The following CTNNA3 variants were observed in gnomAD, a reference collection of about 807,000 sequenced individuals.
CTNNA3 encodes catenin alpha-3.
In CTNNA3, 76 loss-of-function variants were observed where a neutral mutation model predicts 95.7. The ratio of observed to expected loss-of-function variants is 0.79; its 90% CI spans 0.66 to 0.96. The LOEUF is 0.96. Among genes scored for constraint, CTNNA3 ranks in the 40% least tolerant of loss-of-function variants. The pLI, the probability that CTNNA3 is intolerant of heterozygous loss-of-function variation, is 0.00. For missense variants in CTNNA3, 1,191 were observed against 1,089.8 expected (o/e 1.09, Z -1.31); for synonymous variants, 431 against 374.4 (o/e 1.15, Z -1.74).
At chr10:65,945,257 G>A (rs962162616) in intron 17 of CTNNA3, among the ~76,000 whole-genome samples, 1 of 152,002 alleles carries the variant, frequency 6.6e-6, no homozygotes, top group Non-Finnish European at 1.5e-5. Flanking sequence ...AAAATGGTTG[G>A]AATTTGTTAT....
intron 12 of CTNNA3, among the ~76,000 whole-genome samples, chr10:66,312,665 G>A (rs1027881787): frequency 3.3e-5 from 5 of 151,960 alleles, no homozygotes; most frequent in African/African-American, 1.2e-4. Context: ...CCCTGCCTCA[G>A]CCTCCCGAGT....
chr10:66,483,048 G>C (rs766437030), intron 11 of CTNNA3, among the ~76,000 whole-genome samples: 4 of 152,170 alleles, frequency 2.6e-5, no homozygotes, highest in Non-Finnish European at 5.9e-5. Context: ...AAGCCAATGA[G>C]ACAGCACTGT....
In CTNNA3 at chr10:67,501,725, T is replaced by C. The variant is rs547643498; in HGVS notation, c.579+20117A>G. ...TATTTCATTAAGTTGATCTTCAATC[T>C]CTGATATCTTTTCTTCCGCTTGATC... is the stretch of plus-strand genomic sequence containing the variant. On this transcript the variant is annotated intron_variant, in intron 5 of 17. Coordinates refer to ENST00000433211, the MANE Select transcript of CTNNA3 (RefSeq NM_013266.4). 3.3e-5 allele frequency among the ~76,000 whole-genome samples: 5 copies of C among 152,350 alleles called. 1 individual carries two copies. The South Asian group carries it at 1.0e-3, about 32-fold the overall frequency.
chr10:66,133,671 A>T (rs2083228182), intron 13 of CTNNA3, among the ~76,000 whole-genome samples: 1 of 152,316 alleles, frequency 6.6e-6, no homozygotes, highest in East Asian at 1.9e-4. Flanking sequence ...AAATCAGTCT[A>T]TACTGGTTCT....
chr10:67,672,950 C>T (rs1389413816), intron 1 of CTNNA3, among the ~76,000 whole-genome samples: 4 of 151,844 alleles, frequency 2.6e-5, no homozygotes, highest in African/African-American at 9.7e-5. Flanking sequence ...TTACCTTGGG[C>T]AGTATGGCCA....
chr10:66,799,341 A>G (rs1034907109), intron 7 of CTNNA3, among the ~76,000 whole-genome samples: 20 of 151,674 alleles, frequency 1.3e-4, no homozygotes, highest in African/African-American at 4.8e-4. Context: ...TGTAATTAAT[A>G]TTTCAATAAA....
chr10:66,309,826 A>C (rs974897592), intron 12 of CTNNA3, among the ~76,000 whole-genome samples: 2 of 151,076 alleles, frequency 1.3e-5, no homozygotes, highest in Non-Finnish European at 3.0e-5. Flanking sequence ...TTGGGAGGCC[A>C]AGGTGGGCGG....
At chr10:66,223,285 C>T (rs546885674) in intron 13 of CTNNA3, among the ~76,000 whole-genome samples, 1 of 152,092 alleles carries the variant, frequency 6.6e-6, no homozygotes, top group African/African-American at 2.4e-5. Flanking sequence ...CATTTTTAAA[C>T]TACCTAAGTA....
At chr10:66,999,345 C>T (rs1251141883) in intron 7 of CTNNA3, among the ~76,000 whole-genome samples, 1 of 151,962 alleles carries the variant, frequency 6.6e-6, no homozygotes, top group Non-Finnish European at 1.5e-5. Context: ...GGCCTTCTGC[C>T]TAACATTTTC....
At chr10:67,377,545 G>A (rs1029497196) in intron 5 of CTNNA3, among the ~76,000 whole-genome samples, 3 of 152,124 alleles carry the variant, frequency 2.0e-5, no homozygotes, top group African/African-American at 7.2e-5. Context: ...GAAATTTGGG[G>A]ATAAATTGTT....
chr10:66,095,165 T>A (rs1209180213), intron 14 of CTNNA3, among the ~76,000 whole-genome samples: 1 of 152,104 alleles, frequency 6.6e-6, no homozygotes, highest in Non-Finnish European at 1.5e-5. Context: ...ATATTTGAAA[T>A]CTTGGGATTA....
chr10:67,128,292 C>A (rs1366579259), intron 7 of CTNNA3, among the ~76,000 whole-genome samples: 1 of 151,990 alleles, frequency 6.6e-6, no homozygotes, highest in Non-Finnish European at 1.5e-5. Context: ...TTAATCTTAT[C>A]TAAAAAAGAT....
intron 13 of CTNNA3, among the ~76,000 whole-genome samples, chr10:66,170,334 T>C (rs2085353501): frequency 6.8e-6 from 1 of 148,044 alleles, no homozygotes; most frequent in Non-Finnish European, 1.5e-5. Flanking sequence ...AAGAAGGCAA[T>C]TTCTCTAGAA....
intron 10 of CTNNA3, among the ~76,000 whole-genome samples, chr10:66,574,332 C>T (rs1184540042): frequency 1.3e-5 from 2 of 151,778 alleles, no homozygotes; most frequent in East Asian, 1.9e-4. Flanking sequence ...CAATTATCAC[C>T]GAAAAATCCA....
At chr10:67,276,197 T>G (rs901884406) in intron 5 of CTNNA3, among the ~76,000 whole-genome samples, 4 of 152,132 alleles carry the variant, frequency 2.6e-5, no homozygotes, top group Non-Finnish European at 5.9e-5. Context: ...ATGGAAGAAT[T>G]TAGGACAGCC....
At chr10:67,170,739 T>C (rs768162182) in intron 7 of CTNNA3, among the ~76,000 whole-genome samples, 40 of 152,102 alleles carry the variant, frequency 2.6e-4, no homozygotes, top group Admixed American at 6.6e-5. Flanking sequence ...ACCTATGTAA[T>C]AAACCTTCAC....
intron 13 of CTNNA3, among the ~76,000 whole-genome samples, chr10:66,235,430 T>G (rs958136000): frequency 6.6e-6 from 1 of 151,226 alleles, no homozygotes; most frequent in African/African-American, 2.4e-5. Flanking sequence ...ACTTATGGAT[T>G]TATAAAATTA....
chr10:66,880,585 A>G lies in CTNNA3; in HGVS notation c.1048-105061T>C, dbSNP rs559306238. 2.6e-5 allele frequency among the ~76,000 whole-genome samples: 4 copies of G among 152,246 alleles called. No homozygotes were observed. The South Asian group carries it at 6.2e-4, about 24-fold the overall frequency. On this transcript the variant is annotated intron_variant, in intron 7 of 17. Transcript: ENST00000433211. ...TGACCCTAGTCTTGGAAATAAAACT[A>G]AAAATAGACAGCAGCTAGAATTTGC...
chr10:66,928,235 T>C (rs1847185313), intron 7 of CTNNA3: 2 of 1,614,068 alleles, frequency 1.2e-6, no homozygotes, highest in Non-Finnish European at 1.7e-6. Context: ...GTTATCTACG[T>C]GTCATGGAAG....
Sources: gnomAD v4.1 joint callset for allele counts (sites outside exome capture counted in the v4.1 genomes callset) on GRCh38, gnomAD v4.1.1 for gene constraint, MANE v1.5 for transcripts, NCBI Gene and HGNC (gene_info 2026-07-23, HGNC 2026-07-21) for gene names.